TASP1: variants seen among roughly 807,000 people sequenced by gnomAD.
TASP1 encodes the protein taspase 1.
TASP1 carries 16 observed loss-of-function variants against 56.6 expected under a neutral mutation model. That is an observed-to-expected ratio of 0.28 (90% CI 0.19 to 0.43). The LOEUF (loss-of-function observed/expected upper bound fraction) is 0.43. Among genes scored for constraint, TASP1 ranks in the 20% least tolerant of loss-of-function variants. The pLI, the probability that TASP1 is intolerant of heterozygous loss-of-function variation, is 1.00. For missense variants in TASP1, 393 were observed against 511.6 expected, an observed-to-expected ratio of 0.77 and a Z score of 2.24; for synonymous variants, 179 against 184.2, an observed-to-expected ratio of 0.97 and a Z score of 0.23.
the TASP1 span, among the ~76,000 whole-genome samples, chr20:13,190,428 T>A: frequency 3.9e-5 from 6 of 152,014 alleles, no homozygotes; most frequent in Admixed American, 3.3e-4. Context: ...AATAAAACCA[T>A]GTATTAACAG....
chr20:13,562,974 ATG>A (rs757445654), intron 7 of TASP1, among the ~76,000 whole-genome samples: 1 of 131,142 alleles, frequency 7.6e-6, no homozygotes, highest in Non-Finnish European at 1.6e-5. Flanking sequence ...GTGCGTATGT[ATG>A]TGTGTGTATA....
chr20:13,613,501 G>T (rs2048420109), intron 4 of TASP1, among the ~76,000 whole-genome samples: 1 of 151,908 alleles, frequency 6.6e-6, no homozygotes, highest in South Asian at 2.1e-4. Flanking sequence ...GCAGATATTT[G>T]CAAATTCATT....
chr20:13,302,301 T>G, the TASP1 span, among the ~76,000 whole-genome samples: 1 of 152,204 alleles, frequency 6.6e-6, no homozygotes, highest in African/African-American at 2.4e-5. Flanking sequence ...GGACTCTGCC[T>G]ACTGAGAACA....
At chr20:13,413,977 A>G (rs1308061233) in intron 13 of TASP1, among the ~76,000 whole-genome samples, 1 of 152,188 alleles carries the variant, frequency 6.6e-6, no homozygotes, top group Non-Finnish European at 1.5e-5. Flanking sequence ...ACAGTACAGT[A>G]ATCAACTTCA....
chr20:13,290,606 C>T, the TASP1 span, among the ~76,000 whole-genome samples: 3 of 151,836 alleles, frequency 2.0e-5, no homozygotes, highest in South Asian at 2.1e-4. Flanking sequence ...CCAAGTGAGC[C>T]GAGATCGGGC....
chr20:13,247,497 T>C, the TASP1 span, among the ~76,000 whole-genome samples: 1 of 148,300 alleles, frequency 6.7e-6, no homozygotes, highest in African/African-American at 2.5e-5. Context: ...AACCACAGCA[T>C]TTCTGGCAGC....
intron 12 of TASP1, among the ~76,000 whole-genome samples, chr20:13,423,939 A>G (rs1376399999): frequency 1.3e-5 from 2 of 152,146 alleles, no homozygotes; most frequent in Non-Finnish European, 2.9e-5. Context: ...AAAACGTCCA[A>G]TTTGTTTCTT....
chr20:13,278,146 G>A, the TASP1 span, among the ~76,000 whole-genome samples: 5 of 152,314 alleles, frequency 3.3e-5, no homozygotes, highest in African/African-American at 7.2e-5. Context: ...AGAGCTATGC[G>A]ATGGCCAAAG....
the TASP1 span, among the ~76,000 whole-genome samples, chr20:13,336,666 A>G: frequency 6.6e-6 from 1 of 152,172 alleles, no homozygotes; most frequent in Non-Finnish European, 1.5e-5. Flanking sequence ...TGTAAAAAAG[A>G]CTTTTAAGTA....
At position 13,606,987 on chromosome 20, in the gene TASP1, A is replaced by C. The variant is rs2048184920; in HGVS notation, c.282+16459T>G. ...GAGCTATAACCCCTTAAGCAAGCTG[A>C]TACTTATTAATTCTTACAGGTTGCT... On this transcript the variant is annotated intron_variant, in intron 4 of 13. Coordinates refer to ENST00000337743, the MANE Select transcript of TASP1 (RefSeq NM_017714.3). Among the ~76,000 whole-genome samples the C allele has an allele frequency of 2.0e-5, 3 of 152,178 alleles. No homozygotes were observed. The South Asian group carries it at 6.2e-4, about 31-fold the overall frequency.
At chr20:13,123,976 G>T in the TASP1 span, among the ~76,000 whole-genome samples, 2 of 152,150 alleles carry the variant, frequency 1.3e-5, no homozygotes, top group African/African-American at 4.8e-5. Flanking sequence ...GACAGCCCTG[G>T]CTGTGGCTAC....
chr20:13,559,830 A>G (rs1415131278), intron 7 of TASP1, among the ~76,000 whole-genome samples: 1 of 152,220 alleles, frequency 6.6e-6, no homozygotes, highest in Non-Finnish European at 1.5e-5. Flanking sequence ...CCATGTTTCA[A>G]TCAACATGTG....
At chr20:13,405,855 C>A (rs1195611204) in intron 13 of TASP1, among the ~76,000 whole-genome samples, 2 of 152,046 alleles carry the variant, frequency 1.3e-5, no homozygotes, top group African/African-American at 4.8e-5. Context: ...CATGCCCAGC[C>A]AGTTTCCTCC....
the TASP1 span, chr20:13,167,259 T>C: frequency 2.0e-5 from 3 of 152,212 alleles, no homozygotes; most frequent in Non-Finnish European, 4.4e-5. Context: ...TTTTAATTCA[T>C]GATTTTAATT....
At chr20:13,496,905 G>A (rs1430416775) in intron 10 of TASP1, among the ~76,000 whole-genome samples, 7 of 152,166 alleles carry the variant, frequency 4.6e-5, no homozygotes, top group Non-Finnish European at 1.0e-4. Flanking sequence ...CCTTTCCTAT[G>A]AGAAAACAGA....
At chr20:13,358,346 C>T in the TASP1 span, among the ~76,000 whole-genome samples, 1 of 152,232 alleles carries the variant, frequency 6.6e-6, no homozygotes, top group African/African-American at 2.4e-5. Flanking sequence ...GGTGCCGTGA[C>T]TTGGATGGGG....
chr20:13,567,818 A>G (rs368849323), intron 7 of TASP1, among the ~76,000 whole-genome samples: 2 of 152,184 alleles, frequency 1.3e-5, no homozygotes, highest in African/African-American at 4.8e-5. Flanking sequence ...AGAGAACCTG[A>G]TACTGGAGAG....
the TASP1 span, among the ~76,000 whole-genome samples, chr20:13,176,425 G>A: frequency 6.6e-6 from 1 of 152,146 alleles, no homozygotes; most frequent in South Asian, 2.1e-4. Context: ...ATGAAGGATT[G>A]TTGAATTTTA....
At chr20:13,369,853 G>T in the TASP1 span, among the ~76,000 whole-genome samples, 8 of 152,184 alleles carry the variant, frequency 5.3e-5, no homozygotes, top group Non-Finnish European at 1.2e-4. Flanking sequence ...CTTCTGGAAA[G>T]ATGAAATGCA....
Sources: gnomAD v4.1 joint callset for allele counts (sites outside exome capture counted in the v4.1 genomes callset) on GRCh38, gnomAD v4.1.1 for gene constraint, MANE v1.5 for transcripts, NCBI Gene and HGNC (gene_info 2026-07-23, HGNC 2026-07-21) for gene names.